SPAG16: variants seen among roughly 807,000 people sequenced by gnomAD.
The protein encoded by SPAG16 is sperm associated antigen 16, also known as sperm-associated antigen 16 protein.
In SPAG16, 86 loss-of-function variants were observed where a neutral mutation model predicts 80.4. The ratio of observed to expected loss-of-function variants is 1.07; its 90% CI spans 0.90 to 1.28. The LOEUF (loss-of-function observed/expected upper bound fraction) is 1.28. Among genes scored for constraint, SPAG16 ranks in the 50% most tolerant of loss-of-function variants. The pLI, the probability that SPAG16 is intolerant of heterozygous loss-of-function variation, is 0.00. For synonymous variants in SPAG16, 294 were observed against 265.9 expected (o/e 1.11, Z -1.03); for missense variants, 870 against 765.3 (o/e 1.14, Z -1.61).
chr2:214,264,868 G>A (rs77153943), intron 15 of SPAG16, among the ~76,000 whole-genome samples: 4,358 of 151,962 alleles, frequency 0.029, 127 homozygotes, highest in African/African-American at 0.079. Flanking sequence ...CATATATTTG[G>A]AATTATATAG....
chr2:213,449,378 T>C (rs2125566988), intron 9 of SPAG16, among the ~76,000 whole-genome samples: 1 of 152,324 alleles, frequency 6.6e-6, no homozygotes, highest in Non-Finnish European at 1.5e-5. Context: ...TAGACCCTTA[T>C]TGGTAGTTCT....
intron 15 of SPAG16, among the ~76,000 whole-genome samples, chr2:214,408,540 T>C (rs1183888897): frequency 6.6e-6 from 1 of 152,244 alleles, no homozygotes; most frequent in African/African-American, 2.4e-5. Context: ...TAGGTTGTAT[T>C]TATCATGGTT....
chr2:213,586,726 A>G (rs138560480), intron 10 of SPAG16, among the ~76,000 whole-genome samples: 1 of 152,344 alleles, frequency 6.6e-6, no homozygotes, highest in Admixed American at 6.5e-5. Context: ...CCACCTGTGA[A>G]TCTGTGAAAT....
intron 10 of SPAG16, among the ~76,000 whole-genome samples, chr2:213,577,023 T>C (rs2060151159): frequency 6.6e-6 from 1 of 152,132 alleles, no homozygotes; most frequent in African/African-American, 2.4e-5. Context: ...ATGTATTAAG[T>C]GTCATGATTA....
chr2:213,917,112 T>C (rs2078006942), intron 11 of SPAG16, among the ~76,000 whole-genome samples: 1 of 152,096 alleles, frequency 6.6e-6, no homozygotes, highest in Non-Finnish European at 1.5e-5. Context: ...ATTTCTGGGC[T>C]CCCTATTCTG....
At chr2:214,174,182 C>T (rs2056987582) in intron 15 of SPAG16, among the ~76,000 whole-genome samples, 1 of 152,022 alleles carries the variant, frequency 6.6e-6, no homozygotes, top group South Asian at 2.1e-4. Context: ...GACAGGGATG[C>T]CCTCTCTCAC....
chr2:213,677,552 C>A (rs2064149224), intron 10 of SPAG16, among the ~76,000 whole-genome samples: 1 of 152,046 alleles, frequency 6.6e-6, no homozygotes, highest in African/African-American at 2.4e-5. Flanking sequence ...GGGATCAATT[C>A]AACAAGAAGA....
chr2:214,283,900 T>C (rs1388116102), intron 15 of SPAG16, among the ~76,000 whole-genome samples: 1 of 152,184 alleles, frequency 6.6e-6, no homozygotes, highest in Non-Finnish European at 1.5e-5. Context: ...CATTATAAAC[T>C]TCTTTAAATT....
intron 9 of SPAG16, among the ~76,000 whole-genome samples, chr2:213,450,341 C>T (rs1402648913): frequency 2.0e-5 from 3 of 152,126 alleles, no homozygotes; most frequent in African/African-American, 4.8e-5. Flanking sequence ...AGAAAAGAAA[C>T]TGTTTATTGA....
At chr2:214,091,843 C>T (rs971387825) in intron 13 of SPAG16, among the ~76,000 whole-genome samples, 2 of 151,954 alleles carry the variant, frequency 1.3e-5, no homozygotes, top group African/African-American at 4.8e-5. Flanking sequence ...TATTAACAAC[C>T]TGATCATAAT....
intron 13 of SPAG16, among the ~76,000 whole-genome samples, chr2:214,035,093 A>T (rs13013902): frequency 1.3e-5 from 2 of 152,044 alleles, no homozygotes; most frequent in Admixed American, 6.5e-5. Flanking sequence ...TGTCACAACA[A>T]GTATTCAGCT....
At chr2:213,404,180 C>G (rs2068482902) in intron 9 of SPAG16, among the ~76,000 whole-genome samples, 1 of 152,144 alleles carries the variant, frequency 6.6e-6, no homozygotes, top group Non-Finnish European at 1.5e-5. Flanking sequence ...CTACCAATGA[C>G]TTTCTTCACA....
chr2:213,369,673 C>T (rs554497081), intron 8 of SPAG16, among the ~76,000 whole-genome samples: 5 of 152,198 alleles, frequency 3.3e-5, no homozygotes, highest in African/African-American at 1.2e-4. Context: ...TCCTTAGGAC[C>T]TGGTCACTGC....
At chr2:213,544,110 T>A (rs907446052) in intron 10 of SPAG16, among the ~76,000 whole-genome samples, 9 of 152,012 alleles carry the variant, frequency 5.9e-5, no homozygotes, top group Non-Finnish European at 1.2e-4. Flanking sequence ...CTTTCTGATT[T>A]TTTTTTTATC....
chr2:214,329,533 T>C (rs1696745675), intron 15 of SPAG16, among the ~76,000 whole-genome samples: 1 of 152,202 alleles, frequency 6.6e-6, no homozygotes, highest in Non-Finnish European at 1.5e-5. Flanking sequence ...CATTACTTTA[T>C]TGAATGTCTT....
At chr2:213,354,643 A>T (rs921301882) in intron 7 of SPAG16, among the ~76,000 whole-genome samples, 11 of 152,304 alleles carry the variant, frequency 7.2e-5, no homozygotes, top group Admixed American at 3.9e-4. Context: ...ACCAATGATG[A>T]TGAGCATTTT....
intron 10 of SPAG16, among the ~76,000 whole-genome samples, chr2:213,498,581 A>G (rs894713278): frequency 2.6e-5 from 4 of 152,220 alleles, no homozygotes; most frequent in Non-Finnish European, 4.4e-5. Context: ...ACATTATCCC[A>G]AGCTGCAATG....
rs186545130 is a variant in SPAG16, at chr2:213,950,796, A to C, written c.1400+20651A>C. Reference sequence around the variant, plus strand: ...TGATCACGGCTCACTGCAGCCTCAAATTCCCAGGCTCAAGTGATCCTCCCA... The same window carrying C: ...TGATCACGGCTCACTGCAGCCTCAACTTCCCAGGCTCAAGTGATCCTCCCA... On this transcript the variant is annotated intron_variant, in intron 12 of 15. Transcript: ENST00000331683. Among the ~76,000 whole-genome samples the C allele has an allele frequency of 3.4e-5, 5 of 147,058 alleles. No individual in the cohort carries two copies. The Admixed American group carries it at 3.4e-4, about 10-fold the overall frequency.
intron 9 of SPAG16, among the ~76,000 whole-genome samples, chr2:213,416,049 A>G (rs2069236183): frequency 6.6e-6 from 1 of 152,258 alleles, no homozygotes; most frequent in Non-Finnish European, 1.5e-5. Context: ...GTAGAAGGCC[A>G]GAAGGGACAC....
Sources: allele counts gnomAD v4.1 joint callset (sites outside exome capture counted in the v4.1 genomes callset), GRCh38; gene constraint gnomAD v4.1.1; transcripts MANE v1.5; gene names NCBI Gene and HGNC (gene_info 2026-07-23, HGNC 2026-07-21).